Variants in RBM25 observed in about 807,000 individuals in gnomAD.
RBM25 encodes the protein RNA-binding protein 25.
Under a neutral mutation model 120.7 loss-of-function variants are expected in RBM25, and 19 were observed. That is an observed-to-expected ratio of 0.16 (90% CI 0.11 to 0.23). The LOEUF (loss-of-function observed/expected upper bound fraction) is 0.23, where lower values mean the gene tolerates loss of function less well. RBM25 is among the 10% of genes least tolerant of loss of function. The pLI is 1.00. For missense variants in RBM25, 605 were observed against 1,041.5 expected (o/e 0.58, Z 5.77); for synonymous variants, 390 against 326.7 (o/e 1.19, Z -2.09).
chr14:73,123,716 T>C lies in RBM25; in HGVS notation c.*3911T>C, dbSNP rs567498193. The C allele has an allele frequency of 2.0e-5, 3 of 152,334 alleles. No individual in the cohort carries two copies. In the South Asian group the frequency reaches 6.2e-4, roughly 32 times the overall value. The allele number at this position is 152,334 out of a possible 1,614,324, so 9.4% of individuals were successfully genotyped here. A position where few individuals can be genotyped will look rare whatever the true frequency, so the allele number is the denominator to read the frequency against. On this transcript the variant is annotated 3_prime_UTR_variant, in exon 19 of 19. Coordinates refer to ENST00000261973, the MANE Select transcript of RBM25 (RefSeq NM_021239.3). ...GTGATTATGGTAAAATACTGAAATA[T>C]TTATGTTAATTTATTTGCATTTGAA...
chr14:73,083,893 G>A (rs1171544628), intron 5 of RBM25, among the ~76,000 whole-genome samples: 1 of 150,504 alleles, frequency 6.6e-6, no homozygotes, highest in South Asian at 2.1e-4. Flanking sequence ...ATCATGGCCT[G>A]TTAACTTTTT....
intron 1 of RBM25, among the ~76,000 whole-genome samples, chr14:73,068,990 G>A (rs1037375190): frequency 2.6e-5 from 4 of 152,062 alleles, no homozygotes; most frequent in Non-Finnish European, 4.4e-5. Flanking sequence ...TGCAAACTCC[G>A]CACCCTGGGT....
intron 2 of RBM25, among the ~76,000 whole-genome samples, chr14:73,075,925 C>T (rs143130299): frequency 5.9e-5 from 9 of 152,002 alleles, no homozygotes; most frequent in African/African-American, 7.2e-5. Context: ...GAATTACAGG[C>T]GTGAGCCACC....
At chr14:73,103,612 C>A in intron 10 of RBM25, 134 bp downstream of exon 10, 1 of 1,331,372 alleles carries the variant, frequency 7.5e-7, no homozygotes, top group Non-Finnish European at 9.8e-7. Context: ...GTCACTCAGC[C>A]TGGACTGCAG....
At chr14:73,079,062 TAC>T (rs1895493937) in intron 4 of RBM25, among the ~76,000 whole-genome samples, 1 of 151,262 alleles carries the variant, frequency 6.6e-6, no homozygotes, top group Admixed American at 6.6e-5. Context: ...TCACTTTTTT[TAC>T]CTTTTTAAGA....
intron 6 of RBM25, among the ~76,000 whole-genome samples, chr14:73,092,530 G>T (rs763606259): frequency 6.6e-6 from 1 of 151,044 alleles, no homozygotes; most frequent in Non-Finnish European, 1.5e-5. Flanking sequence ...TTGTCTAGGG[G>T]AGCAACATAT....
At chr14:73,111,992 A>ATC (rs1896318964) in intron 16 of RBM25, among the ~76,000 whole-genome samples, 160 bp from the exon 17 acceptor site, 1 of 152,230 alleles carries the variant, frequency 6.6e-6, no homozygotes, top group Non-Finnish European at 1.5e-5. Flanking sequence ...TGCTACTTGA[A>ATC]GACTTACTAA....
At chr14:73,095,771 G>A (rs1291431094) in intron 6 of RBM25, among the ~76,000 whole-genome samples, 1 of 152,170 alleles carries the variant, frequency 6.6e-6, no homozygotes, top group Non-Finnish European at 1.5e-5. Context: ...ACCTTGAATA[G>A]AGTTGCAGGA....
At chr14:73,075,753 C>T (rs1011694104) in intron 2 of RBM25, among the ~76,000 whole-genome samples, 5 of 151,034 alleles carry the variant, frequency 3.3e-5, no homozygotes, top group African/African-American at 9.7e-5. Flanking sequence ...GAATATAGTA[C>T]ACTTACTAAC....
At chr14:73,067,229 C>G (rs970279006) in intron 1 of RBM25, among the ~76,000 whole-genome samples, 3 of 151,734 alleles carry the variant, frequency 2.0e-5, no homozygotes, top group African/African-American at 7.3e-5. Context: ...GCCATCACAC[C>G]CAGCTAATCA....
At chr14:73,102,598 T>C (rs1328326463) in intron 9 of RBM25, 2 of 152,304 alleles carry the variant, frequency 1.3e-5, no homozygotes, top group African/African-American at 4.8e-5. Flanking sequence ...TTGTATTTGG[T>C]GGGCTGTCCA....
intron 9 of RBM25, 152 bp downstream of exon 9, chr14:73,099,902 A>C: frequency 1.7e-6 from 2 of 1,206,062 alleles, no homozygotes; most frequent in Non-Finnish European, 2.2e-6. Flanking sequence ...GAAACAGAAG[A>C]CCAATACCAT....
intron 10 of RBM25, among the ~76,000 whole-genome samples, chr14:73,103,994 ACTCTCTCTCT>A (rs1209592511): frequency 6.0e-5 from 6 of 99,454 alleles, no homozygotes; most frequent in Non-Finnish European, 1.2e-4. Context: ...ACACACACAC[ACTCTCTCTCT>A]CTCTCTCTCT....
In RBM25 at chr14:73,110,574, G is replaced by A. The variant is rs188473489; in HGVS notation, c.1693-257G>A. 6.7e-4 allele frequency among the ~76,000 whole-genome samples: 102 copies of A among 151,798 alleles called. 1 individual carries two copies. The South Asian group carries it at 0.02, about 29-fold the overall frequency. ...CTCCTGAGTAGCTGGGATTACAGGC[G>A]TGCACCACCACACCTGGCTAATTTT... On this transcript the variant is annotated intron_variant, in intron 14 of 18. Transcript: ENST00000261973.
At chr14:73,119,661 G>C in intron 18 of RBM25, 52 bp from the exon 19 acceptor site, 1 of 1,602,844 alleles carries the variant, frequency 6.2e-7, no homozygotes, top group Non-Finnish European at 8.5e-7. Context: ...GTTTTTGGCA[G>C]ATGTTGATGA....
chr14:73,110,727 C>T, intron 14 of RBM25, 104 bp from the exon 15 acceptor site: 1 of 1,384,584 alleles, frequency 7.2e-7, no homozygotes, highest in South Asian at 1.5e-5. Context: ...CCATACCTGG[C>T]CTTTTCTCTT....
Position 73,120,543 on chromosome 14 carries a change from A to C in RBM25, c.*738A>C, listed in dbSNP as rs1896521754. 1 of 152,506 alleles carries C rather than the reference A, an allele frequency of 6.6e-6. No individual in the cohort carries two copies. The highest frequency in any genetic ancestry group is 6.5e-5 in the Admixed American group (1 of 15,272). The allele number at this position is 152,506 out of a possible 1,614,324, so 9.4% of individuals were successfully genotyped here. ...TTTGCTAACTGGATGGGGTTTTCTT[A>C]TTAATAAGATGGCTGCTTCAGCTTC... On this transcript the variant is annotated 3_prime_UTR_variant, in exon 19 of 19. Coordinates refer to ENST00000261973, the MANE Select transcript of RBM25 (RefSeq NM_021239.3).
intron 6 of RBM25, among the ~76,000 whole-genome samples, chr14:73,093,957 T>G (rs533704817): frequency 1.6e-4 from 24 of 148,588 alleles, no homozygotes; most frequent in Admixed American, 1.3e-3. Context: ...TGTTTTTTTT[T>G]TTTTTTTTTC....
chr14:73,064,969 T>TA (rs1895092863), intron 1 of RBM25: 1 of 149,980 alleles, frequency 6.7e-6, no homozygotes, highest in African/African-American at 2.5e-5. Context: ...TTTTTTTTTT[T>TA]AGACGGAGTC....
Sources: gnomAD v4.1 joint callset for allele counts (sites outside exome capture counted in the v4.1 genomes callset) on GRCh38, gnomAD v4.1.1 for gene constraint, MANE v1.5 for transcripts, NCBI Gene and HGNC (gene_info 2026-07-23, HGNC 2026-07-21) for gene names.